Variants in ERVMER34-1 observed in about 807,000 individuals in gnomAD.
ERVMER34-1 encodes endogenous retroviral envelope protein HEMO.
For missense variants in ERVMER34-1, 471 were observed against 295.1 expected (o/e 1.60, Z -4.37); for synonymous variants, 199 against 111.7 (o/e 1.78, Z -4.93).
In ERVMER34-1 at chr4:52,742,752, A is replaced by G. The variant is rs1716048353; in HGVS notation, c.*1077T>C. 6.6e-6 allele frequency: 1 copy of G among 152,188 alleles called. No individual in the cohort carries two copies. The highest frequency in any genetic ancestry group is 1.5e-5 in the Non-Finnish European group (1 of 68,158). 9.4% of individuals were successfully genotyped at this position (152,188 alleles called of 1,614,324 possible). A position where few individuals can be genotyped will look rare whatever the true frequency, so the allele number is the denominator to read the frequency against. ...GCTAACACGGTGAAACCCCGTCTCT[A>G]CTAAAAACACAAAAAATTAGTCAGG... On this transcript the variant is annotated 3_prime_UTR_variant, in exon 3 of 3. Transcript: ENST00000443173.
At chr4:52,747,682 A>G (rs548471365) in intron 2 of ERVMER34-1, among the ~76,000 whole-genome samples, 2 of 152,330 alleles carry the variant, frequency 1.3e-5, no homozygotes, top group South Asian at 2.1e-4. Flanking sequence ...CAGAAAGGCA[A>G]TTGACACCCA....
chr4:52,744,727 G>A lies in ERVMER34-1; in HGVS notation c.794C>T (p.Ala265Val). 2 of 704,120 alleles carry A rather than the reference G, an allele frequency of 2.8e-6. No individual in the cohort carries two copies. Among genetic ancestry groups the A allele is most frequent in the South Asian group, 1.5e-5 (1 of 67,598 alleles). 43.6% of individuals were successfully genotyped at this position (704,120 alleles called of 1,614,324 possible). ...EAHGKWRCAD[A>V]SITNDKGHDG... ...ATGACCTTTGTCATTAGTTATGCTG[G>A]CATCTGCACATCTCCATTTCCCATG... The change falls in exon 3 of 3, where the codon GCC (alanine) becomes GTC (valine). Residue 265 changes from alanine (A) to valine (V), a missense_variant. Ala to Val is a moderately conservative substitution (Grantham distance 64). Coordinates refer to ENST00000443173, the MANE Select transcript of ERVMER34-1 (RefSeq NM_001242690.2).
rs1172097470 is a variant in ERVMER34-1 at position 52,744,288 on chromosome 4, T to A, written c.1233A>T (p.Ser411=). 1 of 704,054 alleles carries A rather than the reference T, an allele frequency of 1.4e-6. No individual in the cohort carries two copies. Among genetic ancestry groups the A allele is most frequent in the African/African-American group, 1.7e-5 (1 of 57,262 alleles). 43.6% of individuals were successfully genotyped at this position (704,054 alleles called of 1,614,324 possible). ...ATGCAGAGGCTAAACTGCTAACTTT[T>A]GATTGGTGTGCTTCCAAGGTCTGCT... ...ATKQTLEAHQ[S]KVSSLASASR... The change falls in exon 3 of 3, where the codon TCA becomes TCT. Residue 411 remains serine, a synonymous_variant. Transcript: ENST00000443173.
At chr4:52,751,161 GCGGCCCTGGGACGGGCA>G (rs1224163462) in intron 1 of ERVMER34-1, 92 bp from the exon 2 acceptor site, 2 of 152,122 alleles carry the variant, frequency 1.3e-5, no homozygotes, top group Non-Finnish European at 2.9e-5. Flanking sequence ...TGTGCCTCGC[GCGGCCCTGGGACGGGCA>G]CGGCCGTCCG....
At chr4:52,749,719 G>C (rs1716238906) in intron 2 of ERVMER34-1, among the ~76,000 whole-genome samples, 2 of 152,146 alleles carry the variant, frequency 1.3e-5, no homozygotes, top group Non-Finnish European at 2.9e-5. Context: ...AACCCAGGAG[G>C]TGGAGGTTGC....
intron 2 of ERVMER34-1, among the ~76,000 whole-genome samples, chr4:52,747,379 C>G (rs982644031): frequency 2.6e-5 from 4 of 152,172 alleles, no homozygotes; most frequent in African/African-American, 9.7e-5. Flanking sequence ...GCCATACCTC[C>G]TCTATCTGGC....
At position 52,744,496 on chromosome 4, in the gene ERVMER34-1, G is replaced by A; in HGVS notation, c.1025C>T (p.Ser342Phe). ...ATGCGGTGTTACTTTATGAATGAAG[G>A]ATCTCAGGTTTGTAATTTGGCTAGC... ...LNASQITNLR[S>F]FIHKVTPHRC... The change falls in exon 3 of 3, where the codon TCC becomes TTC. Residue 342 changes from serine (S) to phenylalanine (F), a missense_variant. By Grantham distance (155) the Ser-to-Phe change is radical. Coordinates refer to ENST00000443173, the MANE Select transcript of ERVMER34-1 (RefSeq NM_001242690.2). The A allele has an allele frequency of 1.4e-6, 1 of 704,082 alleles. No individual in the cohort carries two copies. The highest frequency in any genetic ancestry group is 2.7e-5 in the East Asian group (1 of 37,286). 43.6% of individuals were successfully genotyped at this position (704,082 alleles called of 1,614,324 possible).
At position 52,745,587 on chromosome 4, in the gene ERVMER34-1, G is replaced by A. The variant is rs951356103; in HGVS notation, c.-67C>T. The A allele has an allele frequency of 6.2e-6, 4 of 644,586 alleles. No individual in the cohort carries two copies. The highest frequency in any genetic ancestry group is 4.9e-5 in the Admixed American group (2 of 40,840). 39.9% of individuals were successfully genotyped at this position (644,586 alleles called of 1,614,324 possible). A position where few individuals can be genotyped will look rare whatever the true frequency, so the allele number is the denominator to read the frequency against. On this transcript the variant is annotated 5_prime_UTR_variant, in exon 3 of 3. Coordinates refer to ENST00000443173, the MANE Select transcript of ERVMER34-1 (RefSeq NM_001242690.2). ...AATGGAGATTCAATGAAAGGGGAGG[G>A]TTTTGTTTAAATTTCTAAGTCAGAG...
In ERVMER34-1 at chr4:52,743,988, G is replaced by A. The variant is rs1716077225; in HGVS notation, c.1533C>T (p.Val511=). 1.3e-6 allele frequency: 1 copy of A among 745,816 alleles called. No homozygotes were observed. The highest frequency in any genetic ancestry group is 2.0e-5 in the Admixed American group (1 of 50,032). 46.2% of individuals were successfully genotyped at this position (745,816 alleles called of 1,614,324 possible). A position where few individuals can be genotyped will look rare whatever the true frequency, so the allele number is the denominator to read the frequency against. Residue 511 remains valine, a synonymous_variant, in exon 3 of 3, where the codon GTC becomes GTT. Coordinates refer to ENST00000443173, the MANE Select transcript of ERVMER34-1 (RefSeq NM_001242690.2). ...TAAGGGATCTGCGAGATTTGCGAAA[G>A]ACACGAACATAGATTAAAACAAAGA... is the stretch of plus-strand genomic sequence containing the variant. ...LFIFVLIYVR[V]FRKSRRSLNS...
Position 52,745,090 on chromosome 4 carries a change from T to C in ERVMER34-1, c.431A>G (p.Tyr144Cys). The C allele has an allele frequency of 1.4e-6, 1 of 704,116 alleles. No individual in the cohort carries two copies. Among genetic ancestry groups the C allele is most frequent in the Non-Finnish European group, 2.6e-6 (1 of 384,980 alleles). 43.6% of individuals were successfully genotyped at this position (704,116 alleles called of 1,614,324 possible). A position where few individuals can be genotyped will look rare whatever the true frequency, so the allele number is the denominator to read the frequency against. ...GPFLGNIPKQ[Y>C]CNQILWFDST... ...ATCAAACCATAGTATTTGATTACAGTATTGTTTAGGTATATTACCTAGGAA... is the reference window on the plus strand; with the variant it reads ...ATCAAACCATAGTATTTGATTACAGCATTGTTTAGGTATATTACCTAGGAA... The change falls in exon 3 of 3, where the codon TAC becomes TGC. Residue 144 changes from tyrosine to cysteine, a missense_variant. Transcript: ENST00000443173.
intron 2 of ERVMER34-1, among the ~76,000 whole-genome samples, chr4:52,749,900 T>C (rs1021612547): frequency 6.6e-6 from 1 of 152,190 alleles, no homozygotes; most frequent in African/African-American, 2.4e-5. Context: ...AAACGTACAC[T>C]ACTTACACTG....
At chr4:52,747,309 C>T (rs1716178820) in intron 2 of ERVMER34-1, among the ~76,000 whole-genome samples, 1 of 152,132 alleles carries the variant, frequency 6.6e-6, no homozygotes, top group Admixed American at 6.5e-5. Context: ...AGCCAATTCT[C>T]AGAGATAACA....
chr4:52,750,363 T>C (rs760652763), intron 2 of ERVMER34-1, among the ~76,000 whole-genome samples: 6 of 152,194 alleles, frequency 3.9e-5, no homozygotes, highest in Admixed American at 1.3e-4. Context: ...TGTTATCCTA[T>C]TACAGTCTAT....
chr4:52,744,637 G>C lies in ERVMER34-1; in HGVS notation c.884C>G (p.Ser295Cys). 1.4e-6 allele frequency: 1 copy of C among 704,134 alleles called. No individual in the cohort carries two copies. Among genetic ancestry groups the C allele is most frequent in the Non-Finnish European group, 2.6e-6 (1 of 385,010 alleles). The allele number at this position is 704,134 out of a possible 1,614,324, so 43.6% of individuals were successfully genotyped here. Residue 295 changes from serine (S) to cysteine (C), a missense_variant, in exon 3 of 3, where the codon TCT becomes TGT. Coordinates refer to ENST00000443173, the MANE Select transcript of ERVMER34-1 (RefSeq NM_001242690.2). Reference protein sequence around the residue: ...GSNLTLSVNNSGLFFLCGNGV... With the variant: ...GSNLTLSVNNCGLFFLCGNGV... ...ATTGCCGCACAAAAAAAAGAGGCCA[G>C]AGTTGTTCACAGACAAGGTCAGATT...
rs1716048085 is a variant in ERVMER34-1, at chr4:52,742,744, CCGTCT to C, written c.*1080_*1084del. On this transcript the variant is annotated 3_prime_UTR_variant, in exon 3 of 3. Transcript: ENST00000443173. ...CCATCCTGGCTAACACGGTGAAACC[CCGTCT>C]CTACTAAAAACACAAAAAATTAGTC... The C allele has an allele frequency of 6.6e-6, 1 of 151,966 alleles. No homozygotes were observed. Among genetic ancestry groups the C allele is most frequent in the Admixed American group, 6.6e-5 (1 of 15,238 alleles). 9.4% of individuals were successfully genotyped at this position (151,966 alleles called of 1,614,324 possible).
intron 2 of ERVMER34-1, among the ~76,000 whole-genome samples, chr4:52,750,153 C>A (rs1403126186): frequency 6.6e-6 from 1 of 152,074 alleles, no homozygotes. Context: ...CATGCACCAC[C>A]ACGCCTGGCT....
At chr4:52,746,106 C>T (rs768076084) in intron 2 of ERVMER34-1, among the ~76,000 whole-genome samples, 163 bp from the exon 3 acceptor site, 1 of 152,176 alleles carries the variant, frequency 6.6e-6, no homozygotes, top group African/African-American at 2.4e-5. Context: ...TTTAGAGATG[C>T]CAGTAGGCAC....
At chr4:52,748,554 G>C (rs1403781825) in intron 2 of ERVMER34-1, among the ~76,000 whole-genome samples, 1 of 152,082 alleles carries the variant, frequency 6.6e-6, no homozygotes, top group African/African-American at 2.4e-5. Context: ...ACCCGCAAAG[G>C]CCTTGCGTCA....
chr4:52,744,920 G>A lies in ERVMER34-1; in HGVS notation c.601C>T (p.Pro201Ser), dbSNP rs1018262597. 1.4e-6 allele frequency: 1 copy of A among 704,098 alleles called. No homozygotes were observed. Among genetic ancestry groups the A allele is most frequent in the East Asian group, 2.7e-5 (1 of 37,286 alleles). The allele number at this position is 704,098 out of a possible 1,614,324, so 43.6% of individuals were successfully genotyped here. ...TNRTWNSSAV[P>S]LIGLPNTQDY... The stretch of plus-strand genomic sequence containing the variant: ...TGGGTATTGGGCAGACCAATCAAGG[G>A]AACAGCTGAGCTGTTCCAGGTCCGG... Residue 201 changes from proline (P) to serine (S), a missense_variant, in exon 3 of 3, where the codon CCC becomes TCC. Pro to Ser is a moderately conservative substitution (Grantham distance 74, BLOSUM62 -1). Coordinates refer to ENST00000443173, the MANE Select transcript of ERVMER34-1 (RefSeq NM_001242690.2).
Sources: gnomAD v4.1 joint callset for allele counts (sites outside exome capture counted in the v4.1 genomes callset) on GRCh38, gnomAD v4.1.1 for gene constraint, MANE v1.5 for transcripts, NCBI Gene and HGNC (gene_info 2026-07-23, HGNC 2026-07-21) for gene names.